Variants in IDUA observed in about 807,000 individuals in gnomAD.
IDUA encodes the protein alpha-L-iduronidase.
Under a neutral mutation model 68.9 loss-of-function variants are expected in IDUA, and 65 were observed. The ratio of observed to expected loss-of-function variants is 0.94; its 90% confidence interval spans 0.77 to 1.16. IDUA has a LOEUF of 1.16. IDUA is among the 50% of genes most tolerant of loss of function. The pLI is 0.00. For missense variants in IDUA, 1,046 were observed against 938.0 expected, an observed-to-expected ratio of 1.12 and a Z score of -1.50; for synonymous variants, 529 against 433.6, an observed-to-expected ratio of 1.22 and a Z score of -2.73.
intron 2 of IDUA, among the ~76,000 whole-genome samples, chr4:993,879 G>A (rs763931865): frequency 3.3e-5 from 5 of 152,248 alleles, no homozygotes; most frequent in Non-Finnish European, 7.3e-5. Context: ...ATATGCGTGT[G>A]TGCTCGCGTA....
chr4:999,000 G>C (rs370385778), intron 2 of IDUA, among the ~76,000 whole-genome samples: 1,721 of 152,038 alleles, frequency 0.011, 18 homozygotes, highest in East Asian at 0.024. Flanking sequence ...GTCAGGAAAT[G>C]GAAACCATCC....
At chr4:998,666 G>T (rs1164797831) in intron 2 of IDUA, among the ~76,000 whole-genome samples, 2 of 151,978 alleles carry the variant, frequency 1.3e-5, no homozygotes, top group African/African-American at 4.8e-5. Context: ...TCCTCACTCA[G>T]TTCACCCTCA....
chr4:1,002,844 G>A lies in IDUA; in HGVS notation c.1302G>A (p.Trp434Ter). ...AHRPQGPADA[W>*]RAAVLIYASD... is the part of the protein sequence containing the mutation. Reference sequence around the variant, plus strand: ...GCCCCCAGGGCCCGGCCGACGCCTGGCGCGCCGCGGTGCTGATCTACGCGA... The same window carrying A: ...GCCCCCAGGGCCCGGCCGACGCCTGACGCGCCGCGGTGCTGATCTACGCGA... Residue 434 changes from tryptophan to a stop codon, truncating the protein, a stop_gained, in exon 9 of 14, where the codon TGG becomes TGA. Coordinates refer to ENST00000514224, the MANE Select transcript of IDUA (RefSeq NM_000203.5). LOFTEE classifies it high-confidence loss of function. The A allele has an allele frequency of 6.9e-7, 1 of 1,453,456 alleles. No homozygotes were observed. The highest frequency in any genetic ancestry group is 9.0e-7 in the Non-Finnish European group (1 of 1,109,500). The allele number at this position is 1,453,456 out of a possible 1,614,324, so 90.0% of individuals were successfully genotyped here.
chr4:996,949 GCCTGAATCCGCCTCCCT>G lies in IDUA; in HGVS notation c.300-3656_300-3640del, dbSNP rs566531603. ...GTGGGGGCCCCAGCAACTGGGACCT[GCCTGAATCCGCCTCCCT>G]CCTGAACCCCCCTCCCGCCTGAACC... is the stretch of plus-strand genomic sequence containing the variant. On this transcript the variant is annotated intron_variant, in intron 2 of 13. Transcript: ENST00000514224. 4.1e-3 allele frequency among the ~76,000 whole-genome samples: 621 copies of G among 152,282 alleles called. 33 individuals carry two copies. The South Asian group carries it at 0.1, about 25-fold the overall frequency.
At chr4:991,464 G>GCCGATGACCAGC in intron 2 of IDUA, 1 of 1,612,592 alleles carries the variant, frequency 6.2e-7, no homozygotes. Flanking sequence ...CCAGGATGAT[G>GCCGATGACCAGC]CCGATGACCA....
Position 1,002,830 on chromosome 4 carries a change from C to G in IDUA, c.1288C>G (p.Pro430Ala). 2 of 1,454,976 alleles carry G rather than the reference C, an allele frequency of 1.4e-6. No individual in the cohort carries two copies. The highest frequency in any genetic ancestry group is 1.8e-6 in the Non-Finnish European group (2 of 1,109,900). 90.1% of individuals were successfully genotyped at this position (1,454,976 alleles called of 1,614,324 possible). Residue 430 changes from proline (P) to alanine (A), a missense_variant, in exon 9 of 14, where the codon CCG becomes GCG. Physicochemically the swap from Pro to Ala is conservative, Grantham distance 27 (BLOSUM62 -1). Coordinates refer to ENST00000514224, the MANE Select transcript of IDUA (RefSeq NM_000203.5). ...VLASAHRPQG[P>A]ADAWRAAVLI... ...GGCCAGCGCCCACCGCCCCCAGGGC[C>G]CGGCCGACGCCTGGCGCGCCGCGGT... is the stretch of plus-strand genomic sequence containing the variant.
In IDUA at chr4:1,003,172, G is replaced by T; in HGVS notation, c.1524+15G>T. 1 of 1,339,274 alleles carries T rather than the reference G, an allele frequency of 7.5e-7. No individual in the cohort carries two copies. Among genetic ancestry groups the T allele is most frequent in the South Asian group, 2.0e-5 (1 of 50,876 alleles). The allele number at this position is 1,339,274 out of a possible 1,614,324, so 83.0% of individuals were successfully genotyped here. ...GCGCGGCTGAGGTAGGTGGGCCGCGGAGGGGCGAGGGGCCGGGCCGGGCCG... is the reference window on the plus strand; with the variant it reads ...GCGCGGCTGAGGTAGGTGGGCCGCGTAGGGGCGAGGGGCCGGGCCGGGCCG... On this transcript the variant is annotated intron_variant, in intron 10 of 13. Coordinates refer to ENST00000514224, the MANE Select transcript of IDUA (RefSeq NM_000203.5).
In IDUA at chr4:989,137, G is replaced by A. The variant is rs370195125; in HGVS notation, c.299+1188G>A. 2.6e-5 allele frequency: 42 copies of A among 1,607,320 alleles called. 1 individual carries two copies. Among genetic ancestry groups the A allele is most frequent in the African/African-American group, 2.5e-4 (19 of 74,724 alleles). On this transcript the variant is annotated intron_variant, in intron 2 of 13. Coordinates refer to ENST00000514224, the MANE Select transcript of IDUA (RefSeq NM_000203.5). The stretch of plus-strand genomic sequence containing the variant: ...GAAGCCGGCCGCTGCGGGCACCAGC[G>A]CAGCCCTGGTGCTAACCGGGCCCAG...
In IDUA at chr4:1,002,787, C is replaced by T; in HGVS notation, c.1245C>T (p.Asn415=). 1 of 1,472,222 alleles carries T rather than the reference C, an allele frequency of 6.8e-7. No individual in the cohort carries two copies. The highest frequency in any genetic ancestry group is 2.9e-5 in the East Asian group (1 of 34,008). The allele number at this position is 1,472,222 out of a possible 1,614,324, so 91.2% of individuals were successfully genotyped here. ...VSQAGTVLDS[N]HTVGVLASAH... Reference sequence around the variant, plus strand: ...AGGCCGGGACCGTCCTGGACAGCAACCACACGGTGGGCGTCCTGGCCAGCG... The same window carrying T: ...AGGCCGGGACCGTCCTGGACAGCAATCACACGGTGGGCGTCCTGGCCAGCG... Residue 415 remains asparagine, a synonymous_variant, in exon 9 of 14, where the codon AAC becomes AAT. Transcript: ENST00000514224.
intron 2 of IDUA, chr4:991,390 G>A (rs762920004): frequency 1.6e-5 from 26 of 1,612,730 alleles, no homozygotes; most frequent in Non-Finnish European, 2.1e-5. Flanking sequence ...GGCGAAGAAG[G>A]ACGTATAGAG....
intron 2 of IDUA, chr4:992,079 T>G: frequency 3.9e-6 from 2 of 517,846 alleles, no homozygotes; most frequent in Non-Finnish European, 7.5e-6. Flanking sequence ...AACCACCCTG[T>G]AGCCTCCTGA....
rs1714572897 is a variant in IDUA at position 994,008 on chromosome 4, C to T, written c.299+6059C>T. ...CCGACCCACAGCGCCTGGTCACCCT[C>T]ACGGCTCCTCTGCCCTCCCCTCTAC... On this transcript the variant is annotated intron_variant, in intron 2 of 13. Transcript: ENST00000514224. Among the ~76,000 whole-genome samples the T allele has an allele frequency of 2.6e-5, 4 of 152,278 alleles. No homozygotes were observed. In the South Asian group the frequency reaches 8.3e-4, roughly 31 times the overall value.
At chr4:988,727 C>T (rs962995903) in intron 2 of IDUA, 2 of 1,427,642 alleles carry the variant, frequency 1.4e-6, no homozygotes, top group Non-Finnish European at 1.8e-6. Flanking sequence ...CACAAGAGTG[C>T]AGCTCTTGGG....
In IDUA at chr4:1,004,263, C is replaced by T. The variant is rs1011799659; in HGVS notation, c.1832C>T (p.Thr611Ile). ...TFNLFVFSPD[T>I]GAVSGSYRVR... The stretch of plus-strand genomic sequence containing the variant: ...ACACATGTCCCCTTGTCTCCAGACA[C>T]AGGTGCTGTCTCTGGCTCCTACCGA... Residue 611 changes from threonine (T) to isoleucine (I), a missense_variant, in exon 14 of 14, where the codon ACA becomes ATA. By Grantham distance (89) the Thr-to-Ile change is moderately conservative. Transcript: ENST00000514224. The surrounding 1 kb of genome is among the most constrained non-coding windows in gnomAD (Gnocchi z 5.0). 3 of 1,610,106 alleles carry T rather than the reference C, an allele frequency of 1.9e-6. No individual in the cohort carries two copies. Among genetic ancestry groups the T allele is most frequent in the South Asian group, 1.1e-5 (1 of 91,082 alleles).
At chr4:988,193 C>T in intron 2 of IDUA, 4 of 1,363,714 alleles carry the variant, frequency 2.9e-6, no homozygotes, top group South Asian at 1.7e-5. Context: ...CTGCGCCGCA[C>T]CTGGCTCCTG....
chr4:1,003,694 C>A, intron 12 of IDUA, 69 bp downstream of exon 12: 1 of 1,560,096 alleles, frequency 6.4e-7, no homozygotes, highest in South Asian at 1.1e-5. Flanking sequence ...ACCCCTTCAC[C>A]CATGCGGTCA....
intron 1 of IDUA, among the ~76,000 whole-genome samples, chr4:987,474 T>G (rs1393274247): frequency 6.6e-6 from 1 of 152,228 alleles, no homozygotes; most frequent in South Asian, 2.1e-4. Context: ...TCCTGCTCTT[T>G]GAGGTAAACC....
At chr4:988,682 G>C in intron 2 of IDUA, 1 of 1,415,158 alleles carries the variant, frequency 7.1e-7, no homozygotes, top group Non-Finnish European at 9.2e-7. Context: ...TCCTTTCCCA[G>C]TTGGGGTTCC....
chr4:993,926 C>A (rs1714566115), intron 2 of IDUA, among the ~76,000 whole-genome samples: 1 of 152,228 alleles, frequency 6.6e-6, no homozygotes, highest in Admixed American at 6.5e-5. Flanking sequence ...AGGGCGAGGA[C>A]TGCCGGGGTC....
Sources: gnomAD v4.1 joint callset for allele counts (sites outside exome capture counted in the v4.1 genomes callset) on GRCh38, gnomAD v4.1.1 for gene constraint, Gnocchi (gnomAD v3.1) non-coding constraint, MANE v1.5 for transcripts, NCBI Gene and HGNC (gene_info 2026-07-23, HGNC 2026-07-21) for gene names.